The following UBE2L3 variants were observed in gnomAD, a reference collection of about 807,000 sequenced individuals.
UBE2L3 encodes ubiquitin-conjugating enzyme E2 L3.
In UBE2L3, 1 loss-of-function variant was observed where a neutral mutation model predicts 17.8. That is an observed-to-expected ratio of 0.06 (90% CI 0.02 to 0.27). UBE2L3 has a LOEUF of 0.27. Among genes scored for constraint, UBE2L3 ranks in the 10% least tolerant of loss-of-function variants. The probability of loss-of-function intolerance (pLI) is 1.00; values close to 1 mark genes in which losing one functional copy is unlikely to be tolerated. For synonymous variants in UBE2L3, 44 were observed against 68.5 expected (o/e 0.64, Z 1.76); for missense variants, 40 against 192.6 (o/e 0.21, Z 4.69).
intron 3 of UBE2L3, among the ~76,000 whole-genome samples, chr22:21,619,380 C>T (rs1354940365): frequency 6.6e-6 from 1 of 152,212 alleles, no homozygotes; most frequent in Non-Finnish European, 1.5e-5. Flanking sequence ...CTGCAGAGAG[C>T]TTTCCAGGCC....
At chr22:21,565,783 A>AAAAAAG, upstream of UBE2L3, among the ~76,000 whole-genome samples, 2 of 148,438 alleles carry the variant, frequency 1.3e-5, no homozygotes, top group Admixed American at 6.7e-5. Flanking sequence ...AAAAAAAAAA[A>AAAAAAG]AGAGAAAAAC....
In UBE2L3 at chr22:21,567,730, A is replaced by T; in HGVS notation, c.-15A>T. On this transcript the variant is annotated 5_prime_UTR_variant, in exon 1 of 4. Transcript: ENST00000342192. ...CCGCGATGCATTCTGGGGAAGGAGC[A>T]GCACCAAATCCAAGATGGCGGCCAG... is the stretch of plus-strand genomic sequence containing the variant. The T allele has an allele frequency of 6.3e-7, 1 of 1,580,014 alleles. No homozygotes were observed. The highest frequency in any genetic ancestry group is 8.6e-7 in the Non-Finnish European group (1 of 1,164,412).
intron 1 of UBE2L3, among the ~76,000 whole-genome samples, chr22:21,558,401 G>A (rs1436348505): frequency 1.6e-4 from 25 of 152,258 alleles, no homozygotes; most frequent in African/African-American, 4.3e-4. Context: ...GGGAGGCCGA[G>A]GCAGGCGGAT....
At chr22:21,579,698 G>A (rs370735264) in intron 1 of UBE2L3, among the ~76,000 whole-genome samples, 128 of 152,218 alleles carry the variant, frequency 8.4e-4, no homozygotes, top group African/African-American at 3.1e-3. Flanking sequence ...TTGAGCTCTG[G>A]AGGTTGAGAC....
rs536756312 is a variant in UBE2L3 at position 21,621,933 on chromosome 22, C to A, written c.*264C>A. 6 of 381,642 alleles carry A rather than the reference C, an allele frequency of 1.6e-5. No individual in the cohort carries two copies. Among genetic ancestry groups the A allele is most frequent in the African/African-American group, 1.3e-4 (6 of 46,844 alleles). The allele number at this position is 381,642 out of a possible 1,614,324, so 23.6% of individuals were successfully genotyped here. A position where few individuals can be genotyped will look rare whatever the true frequency, so the allele number is the denominator to read the frequency against. On this transcript the variant is annotated 3_prime_UTR_variant, in exon 4 of 4. Coordinates refer to ENST00000342192, the MANE Select transcript of UBE2L3 (RefSeq NM_003347.4). ...AATCTACTTCAAAAGAATGGTGTTT[C>A]TTTTCTTGTCCAATTTTATCCAAAA...
intron 1 of UBE2L3, among the ~76,000 whole-genome samples, chr22:21,586,571 T>C (rs1927947184): frequency 2.3e-5 from 3 of 128,460 alleles, no homozygotes; most frequent in Non-Finnish European, 1.6e-5. Flanking sequence ...GCACCCAGCC[T>C]TTTTTTTTTT....
intron 1 of UBE2L3, among the ~76,000 whole-genome samples, chr22:21,558,961 T>C (rs1328776668): frequency 1.1e-4 from 16 of 151,294 alleles, no homozygotes; most frequent in African/African-American, 3.2e-4. Context: ...CAGTCCATGA[T>C]CTATGAGAAT....
At chr22:21,557,904 T>C (rs955691274) in intron 1 of UBE2L3, among the ~76,000 whole-genome samples, 19 of 151,966 alleles carry the variant, frequency 1.3e-4, no homozygotes, top group African/African-American at 4.4e-4. Context: ...GAAACAAGTT[T>C]GAGAACCCCT....
At chr22:21,607,237 T>A (rs1929222971) in intron 2 of UBE2L3, among the ~76,000 whole-genome samples, 2 of 151,538 alleles carry the variant, frequency 1.3e-5, no homozygotes, top group East Asian at 3.9e-4. Flanking sequence ...CCAGGTGCAG[T>A]AGTTCACTCC....
At chr22:21,589,441 C>T (rs1928141371) in intron 1 of UBE2L3, among the ~76,000 whole-genome samples, 1 of 152,188 alleles carries the variant, frequency 6.6e-6, no homozygotes, top group Admixed American at 6.6e-5. Flanking sequence ...ACCACTGCGC[C>T]CGGCATGATT....
chr22:21,600,969 C>G (rs375675031), intron 2 of UBE2L3, among the ~76,000 whole-genome samples: 3 of 151,028 alleles, frequency 2.0e-5, no homozygotes, highest in African/African-American at 7.3e-5. Context: ...CAGGATTTTG[C>G]GACCAGCCTG....
At chr22:21,590,856 C>T (rs1290940558) in intron 1 of UBE2L3, among the ~76,000 whole-genome samples, 1 of 152,178 alleles carries the variant, frequency 6.6e-6, no homozygotes, top group Non-Finnish European at 1.5e-5. Context: ...CCCAAAGCCC[C>T]AGCTTCCCAT....
intron 1 of UBE2L3, among the ~76,000 whole-genome samples, chr22:21,589,391 C>T (rs1286968153): frequency 1.3e-5 from 2 of 152,094 alleles, no homozygotes; most frequent in South Asian, 4.1e-4. Context: ...TCGTGATCCG[C>T]CCACCTCGGC....
intron 2 of UBE2L3, among the ~76,000 whole-genome samples, chr22:21,608,783 T>C (rs1436936248): frequency 1.3e-5 from 2 of 148,946 alleles, no homozygotes; most frequent in Non-Finnish European, 3.0e-5. Flanking sequence ...GGTCTTGTTA[T>C]GTTTCACAAA....
At chr22:21,566,216 A>AC (rs1317141608), upstream of UBE2L3, among the ~76,000 whole-genome samples, 14 of 150,578 alleles carry the variant, frequency 9.3e-5, no homozygotes, top group Non-Finnish European at 1.0e-4. Context: ...CAAGTGATCC[A>AC]CCCCCCTCAG....
chr22:21,576,326 CT>C (rs1193563704), intron 1 of UBE2L3, among the ~76,000 whole-genome samples: 1 of 149,080 alleles, frequency 6.7e-6, no homozygotes, highest in Non-Finnish European at 1.5e-5. Context: ...GAGATGGAAT[CT>C]TGCTCTGGCG....
At chr22:21,558,813 A>G (rs1437445652) in intron 1 of UBE2L3, among the ~76,000 whole-genome samples, 3 of 152,062 alleles carry the variant, frequency 2.0e-5, no homozygotes, top group African/African-American at 7.3e-5. Context: ...TTTTGTTTCT[A>G]TGTGTTTTCT....
chr22:21,562,198 CTTTTTT>C (rs1050849043), intron 1 of UBE2L3, among the ~76,000 whole-genome samples: 2 of 133,354 alleles, frequency 1.5e-5, no homozygotes, highest in African/African-American at 5.8e-5. Context: ...TTTTTTTTTT[CTTTTTT>C]TTTTTTTTGA....
chr22:21,591,495 C>A (rs1191911637), intron 1 of UBE2L3, among the ~76,000 whole-genome samples: 2 of 152,210 alleles, frequency 1.3e-5, no homozygotes, highest in Non-Finnish European at 2.9e-5. Context: ...ACTGCACTCT[C>A]CCTCTCTGCT....
Sources: allele counts gnomAD v4.1 joint callset (sites outside exome capture counted in the v4.1 genomes callset), GRCh38; gene constraint gnomAD v4.1.1; transcripts MANE v1.5; gene names NCBI Gene and HGNC (gene_info 2026-07-23, HGNC 2026-07-21).